Variants in ALLC observed in about 807,000 individuals in gnomAD.
ALLC encodes probable inactive allantoicase.
In ALLC, 40 loss-of-function variants were observed where a neutral mutation model predicts 45.0. The observed-to-expected ratio is 0.89, with a 90% CI of 0.69 to 1.16. The LOEUF is 1.16. ALLC is among the 50% of genes most tolerant of loss of function. The pLI is 0.00. For synonymous variants in ALLC, 176 were observed against 178.1 expected (o/e 0.99, Z 0.09); for missense variants, 488 against 493.1 (o/e 0.99, Z 0.10).
upstream of ALLC, among the ~76,000 whole-genome samples, chr2:3,656,050 T>C (rs10164529): frequency 0.13 from 19,185 of 151,932 alleles, 3,866 homozygotes; most frequent in African/African-American, 0.42. Context: ...GCCTGAAGAG[T>C]GGACATTTCC....
At chr2:3,681,506 C>T in intron 5 of ALLC, 128 bp from the exon 6 acceptor site, 1 of 590,058 alleles carries the variant, frequency 1.7e-6, no homozygotes, top group Non-Finnish European at 2.9e-6. Flanking sequence ...TTACTTTGAT[C>T]ATTTGATACT....
At chr2:3,649,058 C>T in the ALLC span, among the ~76,000 whole-genome samples, 4 of 152,028 alleles carry the variant, frequency 2.6e-5, 1 homozygote, top group Admixed American at 6.6e-5. Flanking sequence ...TCATGCACGC[C>T]GTAGACGGGT....
At chr2:3,662,456 C>A (rs946921396) in intron 1 of ALLC, among the ~76,000 whole-genome samples, 5 of 152,216 alleles carry the variant, frequency 3.3e-5, no homozygotes, top group Admixed American at 2.6e-4. Context: ...GCAGGCAGGT[C>A]ATTTGTAATT....
chr2:3,668,024 C>G (rs887002979), intron 1 of ALLC, among the ~76,000 whole-genome samples: 10 of 152,210 alleles, frequency 6.6e-5, no homozygotes, highest in African/African-American at 2.4e-4. Flanking sequence ...CTCGGCCTCC[C>G]AAAGTGCTGG....
At chr2:3,651,764 G>A in the ALLC span, among the ~76,000 whole-genome samples, 2 of 152,114 alleles carry the variant, frequency 1.3e-5, no homozygotes, top group African/African-American at 4.8e-5. Flanking sequence ...GGGGCAGGAC[G>A]AGATCCCTGA....
chr2:3,686,373 C>T (rs1594317), intron 7 of ALLC, among the ~76,000 whole-genome samples: 41,634 of 150,418 alleles, frequency 0.28, 7,045 homozygotes, highest in Middle Eastern at 0.37. Flanking sequence ...CTTCATAGTA[C>T]ATTTTGAAGT....
chr2:3,648,199 C>T, the ALLC span, among the ~76,000 whole-genome samples: 4,349 of 152,210 alleles, frequency 0.029, 105 homozygotes, highest in African/African-American at 0.062. Flanking sequence ...TTCCATTTCT[C>T]CCCCCATTAA....
chr2:3,664,632 C>T (rs531802403), intron 1 of ALLC, among the ~76,000 whole-genome samples: 8 of 152,160 alleles, frequency 5.3e-5, no homozygotes, highest in African/African-American at 1.7e-4. Flanking sequence ...GCCTGTAATC[C>T]CAGCATTTTG....
chr2:3,655,800 C>T (rs6738182), upstream of ALLC, among the ~76,000 whole-genome samples: 7,166 of 152,246 alleles, frequency 0.047, 526 homozygotes, highest in African/African-American at 0.16. Flanking sequence ...ATTAAAGGGA[C>T]AGCATTAAGG....
intron 7 of ALLC, 51 bp downstream of exon 7, chr2:3,683,125 T>A: frequency 6.5e-7 from 1 of 1,549,956 alleles, no homozygotes; most frequent in Non-Finnish European, 8.7e-7. Flanking sequence ...TTATTTTATG[T>A]TGACATGTTT....
chr2:3,648,374 C>T, the ALLC span, among the ~76,000 whole-genome samples: 2 of 152,080 alleles, frequency 1.3e-5, no homozygotes, highest in Admixed American at 6.5e-5. Context: ...AGCCAAGACG[C>T]TCCTGACACT....
intron 7 of ALLC, among the ~76,000 whole-genome samples, chr2:3,691,221 C>A (rs1667508320): frequency 6.7e-6 from 1 of 149,934 alleles, no homozygotes; most frequent in African/African-American, 2.4e-5. Flanking sequence ...TGCTTCTTTT[C>A]TCTTGCTGCT....
chr2:3,655,610 C>G (rs1469126485), upstream of ALLC, among the ~76,000 whole-genome samples: 1 of 152,082 alleles, frequency 6.6e-6, no homozygotes, highest in African/African-American at 2.4e-5. Flanking sequence ...TGTGTGTCAT[C>G]ATGCTTGTCT....
chr2:3,695,916 T>C, intron 8 of ALLC, 44 bp downstream of exon 8: 1 of 1,556,194 alleles, frequency 6.4e-7, no homozygotes, highest in Non-Finnish European at 8.7e-7. Flanking sequence ...GAAGTCTGGG[T>C]ACCGGCATTA....
At chr2:3,681,588 G>A (rs2148007606) in intron 5 of ALLC, 46 bp from the exon 6 acceptor site, 2 of 1,417,684 alleles carry the variant, frequency 1.4e-6, no homozygotes, top group Non-Finnish European at 2.0e-6. Context: ...GATTCCCTTT[G>A]ATTTTGAACC....
At chr2:3,649,305 G>A in the ALLC span, among the ~76,000 whole-genome samples, 2 of 150,408 alleles carry the variant, frequency 1.3e-5, no homozygotes, top group Non-Finnish European at 2.9e-5. Context: ...GCAGTGGTGC[G>A]ATCTCGGCTC....
chr2:3,668,018 G>A (rs1008969712), intron 1 of ALLC, among the ~76,000 whole-genome samples: 2 of 152,198 alleles, frequency 1.3e-5, no homozygotes, highest in African/African-American at 4.8e-5. Flanking sequence ...GCCCGCCTCG[G>A]CCTCCCAAAG....
rs188925392 is a variant in ALLC, at chr2:3,682,697, T to G, written c.379-245T>G. 4.0e-3 allele frequency among the ~76,000 whole-genome samples: 616 copies of G among 152,206 alleles called. 3 individuals are homozygous for G. Among genetic ancestry groups the G allele is most frequent in the Middle Eastern group, 6.8e-3 (2 of 294 alleles). ...CCCGCCACCACGCCCGGCTAATTTTTTGTATTTCTAGTACAGACGGGGTTT... is the reference window on the plus strand; with the variant it reads ...CCCGCCACCACGCCCGGCTAATTTTGTGTATTTCTAGTACAGACGGGGTTT... On this transcript the variant is annotated intron_variant, in intron 6 of 11. Transcript: ENST00000252505.
rs780840580 is a variant in ALLC at position 3,674,150 on chromosome 2, T to C, written c.84+25T>C. 13 of 1,505,912 alleles carry C rather than the reference T, an allele frequency of 8.6e-6. No individual in the cohort carries two copies. The East Asian group carries it at 2.1e-4, about 25-fold the overall frequency. The allele number at this position is 1,505,912 out of a possible 1,614,324, so 93.3% of individuals were successfully genotyped here. Reference sequence around the variant, plus strand: ...GGTATTGTAAATTGACATTCTGCAATGTAAAGGGTTGATGTAGAGAAATCT... The same window carrying C: ...GGTATTGTAAATTGACATTCTGCAACGTAAAGGGTTGATGTAGAGAAATCT... On this transcript the variant is annotated intron_variant, in intron 3 of 11. Transcript: ENST00000252505.
Sources: allele counts gnomAD v4.1 joint callset (sites outside exome capture counted in the v4.1 genomes callset), GRCh38; gene constraint gnomAD v4.1.1; transcripts MANE v1.5; gene names NCBI Gene and HGNC (gene_info 2026-07-23, HGNC 2026-07-21).